Variants in XKR9 observed in about 807,000 individuals in gnomAD.
XKR9 encodes XK related 9.
Under a neutral mutation model 32.0 loss-of-function variants are expected in XKR9, and 32 were observed. That is an observed-to-expected ratio of 1.00 (90% confidence interval 0.76 to 1.34). The LOEUF is 1.34. Among genes scored for constraint, XKR9 ranks in the 40% most tolerant of loss-of-function variants. The probability of loss-of-function intolerance (pLI) is 0.00; values close to 1 mark genes in which losing one functional copy is unlikely to be tolerated. For missense variants in XKR9, 546 were observed against 429.7 expected, an observed-to-expected ratio of 1.27 and a Z score of -2.39; for synonymous variants, 168 against 143.4, an observed-to-expected ratio of 1.17 and a Z score of -1.22.
At chr8:70,861,922 T>C in the XKR9 span, among the ~76,000 whole-genome samples, 5 of 152,354 alleles carry the variant, frequency 3.3e-5, no homozygotes, top group South Asian at 8.3e-4. Flanking sequence ...TATGTGTACA[T>C]ATATATAGAT....
intron 2 of XKR9, among the ~76,000 whole-genome samples, chr8:70,754,605 G>T (rs1372863958): frequency 6.6e-6 from 1 of 151,190 alleles, no homozygotes; most frequent in African/African-American, 2.4e-5. Flanking sequence ...CAGAAATAAC[G>T]CCGCACATCT....
chr8:70,681,557 A>T (rs1184743554), intron 3 of XKR9, among the ~76,000 whole-genome samples: 1 of 152,082 alleles, frequency 6.6e-6, no homozygotes, highest in Non-Finnish European at 1.5e-5. Context: ...GTTTTTTCTG[A>T]TATGAACTCA....
the XKR9 span, among the ~76,000 whole-genome samples, chr8:70,822,248 C>T: frequency 5.9e-5 from 9 of 151,772 alleles, no homozygotes; most frequent in African/African-American, 2.2e-4. Context: ...ATTTTTTTAT[C>T]CGGGCAATAA....
the XKR9 span, among the ~76,000 whole-genome samples, chr8:71,052,444 A>G: frequency 0.021 from 3,164 of 152,204 alleles, 79 homozygotes; most frequent in East Asian, 0.11. Context: ...CGTAGACACT[A>G]TCTCATTACT....
chr8:71,048,232 G>T, the XKR9 span, among the ~76,000 whole-genome samples: 1 of 152,116 alleles, frequency 6.6e-6, no homozygotes, highest in African/African-American at 2.4e-5. Context: ...CCTAACTTAA[G>T]TAATAAAACT....
chr8:70,972,208 T>C, the XKR9 span, among the ~76,000 whole-genome samples: 1 of 152,128 alleles, frequency 6.6e-6, no homozygotes, highest in Non-Finnish European at 1.5e-5. Context: ...TATTTTATTT[T>C]ATTTTATTTT....
At chr8:70,983,886 C>T in the XKR9 span, among the ~76,000 whole-genome samples, 71 of 150,216 alleles carry the variant, frequency 4.7e-4, no homozygotes, top group African/African-American at 1.3e-3. Context: ...CTATTTAAGT[C>T]GAAGCGAATG....
At chr8:71,001,634 T>C in the XKR9 span, among the ~76,000 whole-genome samples, 1 of 152,204 alleles carries the variant, frequency 6.6e-6, no homozygotes, top group South Asian at 2.1e-4. Flanking sequence ...CAAGTGAATC[T>C]ACTCATTCTA....
At chr8:70,675,098 A>T (rs1818839639) in intron 2 of XKR9, among the ~76,000 whole-genome samples, 199 bp downstream of exon 2, 1 of 152,180 alleles carries the variant, frequency 6.6e-6, no homozygotes, top group Non-Finnish European at 1.5e-5. Flanking sequence ...CCATTCTTGC[A>T]TTGCTGTAAA....
the XKR9 span, among the ~76,000 whole-genome samples, chr8:71,016,706 C>T: frequency 9.2e-5 from 14 of 152,120 alleles, no homozygotes; most frequent in Non-Finnish European, 2.1e-4. Context: ...TTAGTCAAAC[C>T]TTAAGTAATT....
chr8:70,694,798 C>T (rs907240855), intron 3 of XKR9, among the ~76,000 whole-genome samples: 5 of 152,206 alleles, frequency 3.3e-5, no homozygotes, highest in Non-Finnish European at 4.4e-5. Flanking sequence ...TAGATTCAGC[C>T]TCTTTTCTAG....
the XKR9 span, among the ~76,000 whole-genome samples, chr8:70,851,158 A>T: frequency 6.6e-6 from 1 of 152,212 alleles, no homozygotes; most frequent in Admixed American, 6.5e-5. Context: ...AGGGAGGCAA[A>T]TCATGAGTGA....
intron 4 of XKR9, among the ~76,000 whole-genome samples, chr8:70,722,086 T>C (rs1161644160): frequency 1.3e-5 from 2 of 152,168 alleles, no homozygotes; most frequent in African/African-American, 4.8e-5. Flanking sequence ...TTTGTTGGTT[T>C]AAAGTCTATT....
At chr8:70,980,320 C>A in the XKR9 span, among the ~76,000 whole-genome samples, 7 of 152,186 alleles carry the variant, frequency 4.6e-5, no homozygotes, top group Non-Finnish European at 8.8e-5. Context: ...GTTGGAAATA[C>A]AGAAATCACA....
the XKR9 span, among the ~76,000 whole-genome samples, chr8:70,994,151 A>G: frequency 1.3e-5 from 2 of 152,194 alleles, no homozygotes; most frequent in Admixed American, 1.3e-4. Context: ...TTAGAGCAGC[A>G]GAAATGGACC....
At chr8:70,854,761 A>G in the XKR9 span, among the ~76,000 whole-genome samples, 1 of 152,170 alleles carries the variant, frequency 6.6e-6, no homozygotes, top group Non-Finnish European at 1.5e-5. Flanking sequence ...TTTTCCCAGC[A>G]CCATTTATTA....
At chr8:71,039,534 TA>T in the XKR9 span, among the ~76,000 whole-genome samples, 2 of 152,090 alleles carry the variant, frequency 1.3e-5, no homozygotes, top group Non-Finnish European at 2.9e-5. Flanking sequence ...TCTTGTAAAG[TA>T]AAAAAATGGT....
chr8:70,889,099 AT>A, the XKR9 span, among the ~76,000 whole-genome samples: 2 of 151,490 alleles, frequency 1.3e-5, no homozygotes, highest in African/African-American at 4.8e-5. Flanking sequence ...ATTTCTTCTC[AT>A]TTTTTTGTGC....
At chr8:70,887,813 G>T in the XKR9 span, among the ~76,000 whole-genome samples, 1 of 152,070 alleles carries the variant, frequency 6.6e-6, no homozygotes, top group East Asian at 1.9e-4. Flanking sequence ...TCAGCTTAAG[G>T]AGCTTTGGGG....
Sources: gnomAD v4.1 joint callset for allele counts (sites outside exome capture counted in the v4.1 genomes callset) on GRCh38, gnomAD v4.1.1 for gene constraint, MANE v1.5 for transcripts, NCBI Gene and HGNC (gene_info 2026-07-23, HGNC 2026-07-21) for gene names.